PLCZ1: variants seen among roughly 807,000 people sequenced by gnomAD.
PLCZ1 encodes 1-phosphatidylinositol 4,5-bisphosphate phosphodiesterase zeta-1.
PLCZ1 carries 64 observed loss-of-function variants against 76.8 expected under a neutral mutation model. The observed-to-expected ratio is 0.83, with a 90% CI of 0.68 to 1.03. The LOEUF (loss-of-function observed/expected upper bound fraction) is 1.03, where lower values mean the gene tolerates loss of function less well. Among genes scored for constraint, PLCZ1 ranks in the 50% least tolerant of loss-of-function variants. The pLI is 0.00. For missense variants in PLCZ1, 751 were observed against 713.7 expected, an observed-to-expected ratio of 1.05 and a Z score of -0.60; for synonymous variants, 248 against 230.8, an observed-to-expected ratio of 1.07 and a Z score of -0.68.
Position 18,684,214 on chromosome 12 carries a change from G to C in PLCZ1, c.1657C>G (p.Arg553Gly). Residue 553 changes from arginine to glycine, a missense_variant, in exon 14 of 15, where the codon CGT (arginine) becomes GGT (glycine). Transcript: ENST00000266505. ...IIHVPELALIRFVVEGQGLIA... is the reference protein window; with the variant it reads ...IIHVPELALIGFVVEGQGLIA... ...AAACCTTGACCTTCAACAACAAAACGTATCAATGCCAATTCTGGGACATGA... is the reference window on the plus strand; with the variant it reads ...AAACCTTGACCTTCAACAACAAAACCTATCAATGCCAATTCTGGGACATGA... 6.2e-7 allele frequency: 1 copy of C among 1,611,576 alleles called. No homozygotes were observed. Among genetic ancestry groups the C allele is most frequent in the African/African-American group, 1.3e-5 (1 of 74,856 alleles).
At chr12:18,706,858 CT>C (rs1956668387) in intron 6 of PLCZ1, among the ~76,000 whole-genome samples, 1 of 152,200 alleles carries the variant, frequency 6.6e-6, no homozygotes, top group Non-Finnish European at 1.5e-5. Context: ...CATTTATTCT[CT>C]CACTGTCTAG....
the PLCZ1 span, among the ~76,000 whole-genome samples, chr12:18,672,328 T>G: frequency 1.3e-5 from 2 of 152,084 alleles, no homozygotes; most frequent in Non-Finnish European, 2.9e-5. Flanking sequence ...AACAAACCTT[T>G]CCCGACAGTT....
intron 12 of PLCZ1, among the ~76,000 whole-genome samples, chr12:18,688,884 T>C (rs978545754): frequency 7.2e-5 from 11 of 152,010 alleles, no homozygotes; most frequent in Admixed American, 1.3e-4. Context: ...TTATAAAAAT[T>C]GAGGCATAAT....
chr12:18,689,346 G>A (rs955264642), intron 12 of PLCZ1, among the ~76,000 whole-genome samples: 2 of 152,184 alleles, frequency 1.3e-5, no homozygotes, highest in Non-Finnish European at 2.9e-5. Flanking sequence ...TTTAGGGCAA[G>A]CTTGTCCAAC....
chr12:18,677,904 T>C, the PLCZ1 span, among the ~76,000 whole-genome samples: 3 of 152,108 alleles, frequency 2.0e-5, no homozygotes, highest in African/African-American at 7.2e-5. Context: ...AGCATGTGTA[T>C]CCATATTCAT....
intron 6 of PLCZ1, among the ~76,000 whole-genome samples, chr12:18,707,900 G>T (rs1343157881): frequency 1.3e-5 from 2 of 152,068 alleles, no homozygotes; most frequent in Admixed American, 1.3e-4. Flanking sequence ...TATACTTAAG[G>T]TATACAACAT....
the PLCZ1 span, among the ~76,000 whole-genome samples, chr12:18,672,692 C>T: frequency 3.9e-5 from 6 of 152,142 alleles, no homozygotes; most frequent in Admixed American, 3.9e-4. Context: ...CATTAAGGAA[C>T]ATGACCATCC....
intron 12 of PLCZ1, chr12:18,693,219 T>C: frequency 6.4e-7 from 1 of 1,571,746 alleles, no homozygotes; most frequent in East Asian, 2.2e-5. Flanking sequence ...GGAACCTGGC[T>C]GCTCGGTCAG....
At chr12:18,692,899 A>G in intron 12 of PLCZ1, 2 of 1,601,568 alleles carry the variant, frequency 1.2e-6, no homozygotes, top group South Asian at 2.2e-5. Flanking sequence ...AAGAAAACAA[A>G]GGGACCAGAT....
At chr12:18,651,370 C>T in the PLCZ1 span, among the ~76,000 whole-genome samples, 1 of 152,190 alleles carries the variant, frequency 6.6e-6, no homozygotes, top group Admixed American at 6.5e-5. Context: ...CACACCAGAT[C>T]TTTCCTACTC....
chr12:18,737,552 C>A, intron 1 of PLCZ1, 43 bp from the exon 2 acceptor site: 1 of 794,368 alleles, frequency 1.3e-6, no homozygotes, highest in Admixed American at 2.0e-5. Flanking sequence ...TTTTTGCCTT[C>A]GTTCTTTGAA....
intron 6 of PLCZ1, among the ~76,000 whole-genome samples, chr12:18,706,152 G>T (rs1043872308): frequency 7.3e-5 from 11 of 150,954 alleles, no homozygotes; most frequent in Admixed American, 4.6e-4. Flanking sequence ...AGAATTGCTT[G>T]AACCGGGAGG....
chr12:18,713,101 A>G, intron 5 of PLCZ1, 115 bp from the exon 6 acceptor site: 1 of 1,336,524 alleles, frequency 7.5e-7, no homozygotes, highest in Non-Finnish European at 1.0e-6. Context: ...AAATGAGTCC[A>G]TAAAACTCTA....
chr12:18,670,238 G>A, the PLCZ1 span, among the ~76,000 whole-genome samples: 41 of 152,078 alleles, frequency 2.7e-4, no homozygotes, highest in Middle Eastern at 6.8e-3. Context: ...TTTCAGAAGA[G>A]TTGTTTTATC....
intron 1 of PLCZ1, 140 bp from the exon 2 acceptor site, chr12:18,737,649 C>T (rs1009421336): frequency 3.6e-6 from 2 of 556,604 alleles, no homozygotes; most frequent in Non-Finnish European, 6.4e-6. Flanking sequence ...TTCTTACGTT[C>T]TGACCACCTC....
At chr12:18,698,846 T>C (rs539894670) in intron 10 of PLCZ1, among the ~76,000 whole-genome samples, 1 of 152,294 alleles carries the variant, frequency 6.6e-6, no homozygotes, top group East Asian at 1.9e-4. Context: ...TAGTCACCTG[T>C]TGCACTATCA....
rs1286991980 is a variant in PLCZ1 at position 18,719,897 on chromosome 12, A to G, written c.368-265T>C. ...TTTTGAAAATACACACAAGAAAAGT[A>G]CATATATTATGGACCAATGAACTTC... On this transcript the variant is annotated intron_variant, in intron 4 of 14. Transcript: ENST00000266505. Among the ~76,000 whole-genome samples the G allele has an allele frequency of 2.0e-5, 3 of 152,090 alleles. No homozygotes were observed. In the East Asian group the frequency reaches 5.8e-4, roughly 29 times the overall value.
chr12:18,692,623 C>A, intron 12 of PLCZ1: 1 of 576,524 alleles, frequency 1.7e-6, no homozygotes, highest in Admixed American at 3.2e-5. Flanking sequence ...TGAGGTCAAC[C>A]GCAATGGGGC....
At chr12:18,678,396 T>C (rs770133023), downstream of PLCZ1, among the ~76,000 whole-genome samples, 2 of 152,056 alleles carry the variant, frequency 1.3e-5, no homozygotes, top group African/African-American at 2.4e-5. Flanking sequence ...GTTTGAAGTA[T>C]ACAATTTGAT....
Sources: allele counts gnomAD v4.1 joint callset (sites outside exome capture counted in the v4.1 genomes callset), GRCh38; gene constraint gnomAD v4.1.1; transcripts MANE v1.5; gene names NCBI Gene and HGNC (gene_info 2026-07-23, HGNC 2026-07-21).